The following DGCR2 variants were observed in gnomAD, a reference collection of about 807,000 sequenced individuals.
DGCR2 encodes the protein DiGeorge syndrome critical region gene 2.
A neutral mutation model predicts 51.6 loss-of-function variants in DGCR2; 24 were observed. That is an observed-to-expected ratio of 0.47 (90% CI 0.34 to 0.65). The LOEUF (loss-of-function observed/expected upper bound fraction) is 0.65. DGCR2 is among the 30% of genes least tolerant of loss of function. The pLI, the probability that DGCR2 is intolerant of heterozygous loss-of-function variation, is 0.01. For missense variants in DGCR2, 765 were observed against 772.1 expected, an observed-to-expected ratio of 0.99 and a Z score of 0.11; for synonymous variants, 340 against 315.4, an observed-to-expected ratio of 1.08 and a Z score of -0.82.
At chr22:19,081,672 G>A (rs1048042281) in intron 2 of DGCR2, among the ~76,000 whole-genome samples, 4 of 152,198 alleles carry the variant, frequency 2.6e-5, no homozygotes, top group African/African-American at 9.7e-5. Flanking sequence ...AATTCTGCAA[G>A]GATTTTTCCA....
At chr22:19,111,982 CTATT>C (rs1010428751) in intron 1 of DGCR2, among the ~76,000 whole-genome samples, 2 of 151,802 alleles carry the variant, frequency 1.3e-5, no homozygotes, top group South Asian at 2.1e-4. Context: ...TTTAAAATAT[CTATT>C]TATTGGCTGA....
chr22:19,073,474 G>A (rs2082839177), intron 2 of DGCR2, among the ~76,000 whole-genome samples: 1 of 152,148 alleles, frequency 6.6e-6, no homozygotes, highest in Non-Finnish European at 1.5e-5. Flanking sequence ...ATAGAACAGA[G>A]AACAGGAAAG....
intron 2 of DGCR2, among the ~76,000 whole-genome samples, chr22:19,083,759 C>A (rs997115646): frequency 6.8e-5 from 10 of 147,682 alleles, no homozygotes; most frequent in African/African-American, 2.5e-4. Context: ...CGGTCTCCCT[C>A]TGATGCCGAG....
In DGCR2 at chr22:19,063,242, C is replaced by G; in HGVS notation, c.585G>C (p.Arg195=). Residue 195 remains arginine, a synonymous_variant, in exon 5 of 10, where the codon CGG becomes CGC. Transcript: ENST00000263196. ...WVGYQYVITG[R]NRSLEGRWEV... ...CCCAGCGACCTTCCAAGGAGCGGTTCCGGCCAGTGATAACATACTGATAGC... is the reference window on the plus strand; with the variant it reads ...CCCAGCGACCTTCCAAGGAGCGGTTGCGGCCAGTGATAACATACTGATAGC... 6.2e-7 allele frequency: 1 copy of G among 1,614,210 alleles called. No homozygotes were observed. The highest frequency in any genetic ancestry group is 8.5e-7 in the Non-Finnish European group (1 of 1,180,034).
At chr22:19,082,485 T>C (rs992545156) in intron 2 of DGCR2, among the ~76,000 whole-genome samples, 5 of 152,118 alleles carry the variant, frequency 3.3e-5, no homozygotes, top group Non-Finnish European at 7.4e-5. Context: ...TGGTGGCTCA[T>C]GCACCTGTAA....
At position 19,090,904 on chromosome 22, in the gene DGCR2, G is replaced by A. The variant is rs535858912; in HGVS notation, c.80-1414C>T. 9.2e-5 allele frequency among the ~76,000 whole-genome samples: 14 copies of A among 152,036 alleles called. 1 individual carries two copies. The South Asian group carries it at 1.7e-3, about 18-fold the overall frequency. ...TGCCTAATCAATAAATACGCAGAAC[G>A]ATCTAAACACTCCAACTGAAAGGCA... On this transcript the variant is annotated intron_variant, in intron 1 of 9. Coordinates refer to ENST00000263196, the MANE Select transcript of DGCR2 (RefSeq NM_005137.3).
intron 1 of DGCR2, among the ~76,000 whole-genome samples, chr22:19,108,966 G>A (rs2083287632): frequency 6.6e-6 from 1 of 152,114 alleles, no homozygotes; most frequent in Non-Finnish European, 1.5e-5. Context: ...AGGAGGTCAA[G>A]GTTTCAGGGA....
intron 1 of DGCR2, among the ~76,000 whole-genome samples, chr22:19,098,329 A>G (rs2083164363): frequency 1.3e-5 from 2 of 152,080 alleles, no homozygotes; most frequent in South Asian, 4.1e-4. Context: ...CACCCTGAGT[A>G]GGGTCAGCAC....
chr22:19,097,090 T>C (rs1282027309), intron 1 of DGCR2, among the ~76,000 whole-genome samples: 1 of 152,054 alleles, frequency 6.6e-6, no homozygotes, highest in Non-Finnish European at 1.5e-5. Flanking sequence ...CATACCCCTA[T>C]ATCCTCCAAA....
intron 2 of DGCR2, among the ~76,000 whole-genome samples, chr22:19,084,087 C>A (rs1049933233): frequency 6.6e-6 from 1 of 152,150 alleles, no homozygotes; most frequent in Non-Finnish European, 1.5e-5. Flanking sequence ...CACCTCCCAG[C>A]CGCCTGCCTT....
At chr22:19,082,576 C>G (rs1385378405) in intron 2 of DGCR2, among the ~76,000 whole-genome samples, 1 of 151,072 alleles carries the variant, frequency 6.6e-6, no homozygotes, top group Admixed American at 6.6e-5. Flanking sequence ...ATGGCAAAAC[C>G]CCGTCTCTAC....
intron 2 of DGCR2, among the ~76,000 whole-genome samples, chr22:19,081,401 C>T (rs2082935231): frequency 6.6e-6 from 1 of 152,116 alleles, no homozygotes; most frequent in Non-Finnish European, 1.5e-5. Context: ...CTATATTGTG[C>T]CATATGTCGT....
chr22:19,076,724 A>ATTTTTT lies in DGCR2; in HGVS notation c.203-8505_203-8500dup, dbSNP rs1165827499. On this transcript the variant is annotated intron_variant, in intron 2 of 9. Coordinates refer to ENST00000263196, the MANE Select transcript of DGCR2 (RefSeq NM_005137.3). ...AAATGTCTACTCAAGTCCTTTGCAC[A>ATTTTTT]TTTTTTTTTTTTTTTTTTTTTTTTG... 2.7e-3 allele frequency among the ~76,000 whole-genome samples: 216 copies of ATTTTTT among 79,944 alleles called. 4 individuals carry two copies. Among genetic ancestry groups the ATTTTTT allele is most frequent in the South Asian group, 3.1e-3 (6 of 1,942 alleles). The allele number at this position is 79,944 out of a possible 152,430, so 52.4% of individuals were successfully genotyped here.
chr22:19,064,751 G>A (rs1402698628), intron 4 of DGCR2, 97 bp downstream of exon 4: 7 of 1,208,548 alleles, frequency 5.8e-6, no homozygotes, highest in Middle Eastern at 2.8e-4. Context: ...CTGTCTGCCA[G>A]CTGTGCTCCA....
intron 1 of DGCR2, among the ~76,000 whole-genome samples, chr22:19,098,045 A>G (rs576612964): frequency 6.6e-6 from 1 of 152,202 alleles, no homozygotes; most frequent in East Asian, 1.9e-4. Flanking sequence ...TAGCCCCCAC[A>G]CGGATTTTCT....
chr22:19,076,995 A>G (rs1170748831), intron 2 of DGCR2, among the ~76,000 whole-genome samples: 1 of 151,846 alleles, frequency 6.6e-6, no homozygotes, highest in Non-Finnish European at 1.5e-5. Flanking sequence ...AAGTGCTGTG[A>G]TTACAGGCGT....
intron 2 of DGCR2, among the ~76,000 whole-genome samples, chr22:19,083,844 G>C (rs1004941163): frequency 4.6e-5 from 7 of 150,938 alleles, no homozygotes; most frequent in African/African-American, 1.7e-4. Context: ...TCAGCCTGCC[G>C]AGTGCCTGCG....
intron 2 of DGCR2, among the ~76,000 whole-genome samples, chr22:19,071,326 C>G (rs373086595): frequency 1.2e-4 from 19 of 152,338 alleles, no homozygotes; most frequent in African/African-American, 4.6e-4. Flanking sequence ...ACCTAGAATA[C>G]CACTCCACAG....
In DGCR2 at chr22:19,115,107, GTGCAGCCCA is replaced by G. The variant is rs1179748398; in HGVS notation, c.79+7012_79+7020del. 7.9e-5 allele frequency among the ~76,000 whole-genome samples: 12 copies of G among 152,346 alleles called. No individual in the cohort carries two copies. The South Asian group carries it at 8.3e-4, about 11-fold the overall frequency. On this transcript the variant is annotated intron_variant, in intron 1 of 9. Coordinates refer to ENST00000263196, the MANE Select transcript of DGCR2 (RefSeq NM_005137.3). ...GAGGAGAAGGCCAAGAGGCAAGCAT[GTGCAGCCCA>G]TGCAGCCCATGCACCCAGCCAGCTC...
Sources: allele counts gnomAD v4.1 joint callset (sites outside exome capture counted in the v4.1 genomes callset), GRCh38; gene constraint gnomAD v4.1.1; transcripts MANE v1.5; gene names NCBI Gene and HGNC (gene_info 2026-07-23, HGNC 2026-07-21).